Variants in C12orf42 observed in about 807,000 individuals in gnomAD.
C12orf42 encodes the protein uncharacterized protein C12orf42.
In C12orf42, 25 loss-of-function variants were observed where a neutral mutation model predicts 21.6. The observed-to-expected ratio is 1.16, with a 90% CI of 0.84 to 1.62. C12orf42 has a LOEUF of 1.62. Among genes scored for constraint, C12orf42 ranks in the 40% most tolerant of loss-of-function variants. The pLI is 0.00. For missense variants in C12orf42, 483 were observed against 459.3 expected, an observed-to-expected ratio of 1.05 and a Z score of -0.47; for synonymous variants, 174 against 175.0, an observed-to-expected ratio of 0.99 and a Z score of 0.05.
intron 4 of C12orf42, among the ~76,000 whole-genome samples, chr12:103,362,850 T>G (rs576435121): frequency 6.6e-6 from 1 of 152,102 alleles, no homozygotes; most frequent in East Asian, 1.9e-4. Flanking sequence ...TTTGGGATTA[T>G]GTTAAATGAC....
the C12orf42 span, among the ~76,000 whole-genome samples, chr12:103,532,530 C>A: frequency 6.6e-6 from 1 of 151,694 alleles, no homozygotes; most frequent in African/African-American, 2.4e-5. Flanking sequence ...CAATATTGTG[C>A]CATCTGGAAA....
At chr12:103,494,359 C>T (rs149980737) in intron 1 of C12orf42, among the ~76,000 whole-genome samples, 1,532 of 152,324 alleles carry the variant, frequency 0.01, 19 homozygotes, top group African/African-American at 0.033. Context: ...GTTTTCTGTA[C>T]GCCTGTACAA....
downstream of C12orf42, among the ~76,000 whole-genome samples, chr12:103,233,498 A>AT (rs2033370547): frequency 6.6e-6 from 1 of 152,102 alleles, no homozygotes; most frequent in Non-Finnish European, 1.5e-5. Context: ...GATTTCCTTC[A>AT]TCTGAGTTTT....
intron 10 of C12orf42, among the ~76,000 whole-genome samples, chr12:103,257,583 T>A (rs1287780161): frequency 6.6e-6 from 1 of 151,018 alleles, no homozygotes; most frequent in East Asian, 1.9e-4. Flanking sequence ...AAAGAACATA[T>A]CATTTTGAAA....
chr12:103,145,504 ACT>A, the C12orf42 span, among the ~76,000 whole-genome samples: 1 of 152,166 alleles, frequency 6.6e-6, no homozygotes. Context: ...TTAGCAAATC[ACT>A]CTCATACATT....
At chr12:103,197,716 C>T in the C12orf42 span, among the ~76,000 whole-genome samples, 1 of 152,196 alleles carries the variant, frequency 6.6e-6, no homozygotes, top group South Asian at 2.1e-4. Flanking sequence ...TTTGAAGTTG[C>T]TTCCTTTGGA....
the C12orf42 span, among the ~76,000 whole-genome samples, chr12:103,214,356 T>C: frequency 6.6e-6 from 1 of 152,210 alleles, no homozygotes; most frequent in African/African-American, 2.4e-5. Flanking sequence ...CGAAGGCTTG[T>C]TGAATGATGT....
At chr12:103,281,869 A>T (rs2136311528) in intron 4 of C12orf42, among the ~76,000 whole-genome samples, 1 of 151,916 alleles carries the variant, frequency 6.6e-6, no homozygotes, top group African/African-American at 2.4e-5. Flanking sequence ...ATGGAGAGAG[A>T]GAGAAAAGAG....
the C12orf42 span, among the ~76,000 whole-genome samples, chr12:103,072,101 A>G: frequency 7.7e-3 from 1,172 of 152,280 alleles, 19 homozygotes; most frequent in African/African-American, 0.027. Context: ...TTTATTTCCC[A>G]GTCTGATTCA....
the C12orf42 span, chr12:103,505,338 T>G: frequency 3.6e-6 from 1 of 278,630 alleles, no homozygotes; most frequent in Non-Finnish European, 6.9e-6. Context: ...TGCCTTATGC[T>G]GGACATTGGA....
the C12orf42 span, among the ~76,000 whole-genome samples, chr12:103,059,350 A>G: frequency 0.011 from 1,616 of 152,284 alleles, 11 homozygotes; most frequent in South Asian, 0.019. Context: ...CTACCAACCA[A>G]TAAAAGCCCA....
the C12orf42 span, among the ~76,000 whole-genome samples, chr12:103,224,517 T>C: frequency 6.6e-6 from 1 of 152,112 alleles, no homozygotes. Context: ...ATCAGAGAGA[T>C]ACAGTCATGG....
the C12orf42 span, among the ~76,000 whole-genome samples, chr12:103,184,718 C>G: frequency 1.3e-4 from 18 of 140,442 alleles, no homozygotes; most frequent in South Asian, 2.5e-4. Context: ...GTCACCCCCC[C>G]CCCCCCAAAT....
chr12:103,225,795 A>C, the C12orf42 span, among the ~76,000 whole-genome samples: 1 of 152,218 alleles, frequency 6.6e-6, no homozygotes, highest in African/African-American at 2.4e-5. Flanking sequence ...CAAGGGAAAC[A>C]GGCCCTTGAA....
At chr12:103,308,031 G>A (rs1036084172) in intron 4 of C12orf42, among the ~76,000 whole-genome samples, 3 of 152,124 alleles carry the variant, frequency 2.0e-5, no homozygotes, top group African/African-American at 7.2e-5. Flanking sequence ...TTTGAATCCT[G>A]ATTCTACAAA....
intron 3 of C12orf42, among the ~76,000 whole-genome samples, chr12:103,373,065 C>T (rs2045398852): frequency 6.6e-6 from 1 of 152,108 alleles, no homozygotes; most frequent in South Asian, 2.1e-4. Flanking sequence ...GTACTGATTC[C>T]TCTCTGGGAA....
At chr12:103,314,762 C>A (rs1280854552) in intron 4 of C12orf42, among the ~76,000 whole-genome samples, 1 of 152,098 alleles carries the variant, frequency 6.6e-6, no homozygotes, top group Non-Finnish European at 1.5e-5. Context: ...CCACTCCAGC[C>A]CCCTTTAGCC....
At chr12:103,064,578 A>C in the C12orf42 span, among the ~76,000 whole-genome samples, 3 of 152,222 alleles carry the variant, frequency 2.0e-5, no homozygotes, top group African/African-American at 4.8e-5. Context: ...CCCCTCAATC[A>C]ATTTACAGAT....
the C12orf42 span, among the ~76,000 whole-genome samples, chr12:103,501,194 G>C: frequency 6.6e-6 from 1 of 152,204 alleles, no homozygotes; most frequent in Non-Finnish European, 1.5e-5. Context: ...GCATGGGAGG[G>C]AGATACCAAA....
Sources: gnomAD v4.1 joint callset for allele counts (sites outside exome capture counted in the v4.1 genomes callset) on GRCh38, gnomAD v4.1.1 for gene constraint, MANE v1.5 for transcripts, NCBI Gene and HGNC (gene_info 2026-07-23, HGNC 2026-07-21) for gene names.